Variants in VPS53 observed in about 807,000 individuals in gnomAD.
The protein encoded by VPS53 is VPS53 subunit of GARP complex.
A neutral mutation model predicts 107.0 loss-of-function variants in VPS53; 70 were observed. The observed-to-expected ratio is 0.65, with a 90% CI of 0.54 to 0.80. VPS53 has a LOEUF of 0.80. Ranked by LOEUF, VPS53 falls within the 30% of genes least tolerant of loss-of-function variation. VPS53 has a pLI of 0.00. For synonymous variants in VPS53, 409 were observed against 393.3 expected, an observed-to-expected ratio of 1.04 and a Z score of -0.47; for missense variants, 917 against 1,049.4, an observed-to-expected ratio of 0.87 and a Z score of 1.74.
intron 7 of VPS53, among the ~76,000 whole-genome samples, chr17:650,496 C>CAA (rs71145759): frequency 6.6e-6 from 1 of 151,508 alleles, no homozygotes; most frequent in Non-Finnish European, 1.5e-5. Flanking sequence ...GACTCCGTCT[C>CAA]AAAAAAACAA....
chr17:589,050 A>T (rs1967492222), intron 12 of VPS53, among the ~76,000 whole-genome samples: 1 of 151,984 alleles, frequency 6.6e-6, no homozygotes, highest in Admixed American at 6.5e-5. Context: ...CTTTTTATTA[A>T]TTAAATAATA....
chr17:651,179 G>C (rs1201034248), intron 7 of VPS53, among the ~76,000 whole-genome samples: 1 of 152,106 alleles, frequency 6.6e-6, no homozygotes, highest in Non-Finnish European at 1.5e-5. Flanking sequence ...TTAAACTACA[G>C]ATTTACGTAA....
At chr17:538,607 C>T (rs557525274) in intron 17 of VPS53, 2 of 152,144 alleles carry the variant, frequency 1.3e-5, no homozygotes, top group Admixed American at 6.5e-5. Context: ...TTCAAATCAG[C>T]GGATATTTGT....
At chr17:710,679 T>C (rs181173165) in intron 1 of VPS53, 66 bp from the exon 2 acceptor site, 1 of 1,319,070 alleles carries the variant, frequency 7.6e-7, no homozygotes, top group East Asian at 2.5e-5. Flanking sequence ...TAATTTTAAT[T>C]TGTCAATTAA....
Position 524,729 on chromosome 17 carries a change from T to G in VPS53, c.2086-2991A>C, listed in dbSNP as rs1380480600. Among the ~76,000 whole-genome samples, 1 of 152,182 alleles carries G rather than the reference T, an allele frequency of 6.6e-6. No homozygotes were observed. The highest frequency in any genetic ancestry group is 2.4e-5 in the African/African-American group (1 of 41,450). ...GTAAACAGATTATTTGATAATCAAG[T>G]GTGGGCACGGCCATGGCACTGAAAT... On this transcript the variant is annotated intron_variant, in intron 19 of 21. Coordinates refer to ENST00000437048, the MANE Select transcript of VPS53 (RefSeq NM_001128159.3). This position sits in a 1 kb window ranked among gnomAD's most constrained non-coding sequence, Gnocchi z 4.5.
chr17:541,414 G>A (rs1356559836), intron 17 of VPS53, among the ~76,000 whole-genome samples: 1 of 150,108 alleles, frequency 6.7e-6, no homozygotes, highest in Non-Finnish European at 1.5e-5. Flanking sequence ...CGCACTGAAG[G>A]AATGTTTATC....
chr17:654,325 T>C (rs1971086461), intron 6 of VPS53, among the ~76,000 whole-genome samples: 1 of 152,208 alleles, frequency 6.6e-6, no homozygotes, highest in South Asian at 2.1e-4. Flanking sequence ...AATAAAAGGA[T>C]GCTGATAAAA....
In VPS53 at chr17:512,342, A is replaced by C. The variant is rs1227911350; in HGVS notation, c.*6786T>G. 1 of 152,240 alleles carries C rather than the reference A, an allele frequency of 6.6e-6. No individual in the cohort carries two copies. 9.4% of individuals were successfully genotyped at this position (152,240 alleles called of 1,614,324 possible). ...TATAATCCCCTCTCACCAATATTGA[A>C]AATGGATGCTCAGGGGATCAGTGAC... On this transcript the variant is annotated 3_prime_UTR_variant, in exon 22 of 22. Coordinates refer to ENST00000437048, the MANE Select transcript of VPS53 (RefSeq NM_001128159.3).
chr17:531,257 C>G (rs960358840), intron 19 of VPS53, among the ~76,000 whole-genome samples: 2 of 151,870 alleles, frequency 1.3e-5, no homozygotes, highest in Non-Finnish European at 2.9e-5. Flanking sequence ...ACACCCTCCC[C>G]ATTCTGGGCC....
intron 4 of VPS53, among the ~76,000 whole-genome samples, chr17:689,407 C>T (rs544793122): frequency 6.6e-6 from 1 of 151,936 alleles, no homozygotes; most frequent in Non-Finnish European, 1.5e-5. Context: ...ACGCAATCCT[C>T]CTACCTCAAA....
chr17:607,592 G>C (rs576021024), intron 11 of VPS53, among the ~76,000 whole-genome samples: 84 of 152,202 alleles, frequency 5.5e-4, no homozygotes, highest in Non-Finnish European at 1.1e-3. Flanking sequence ...ACAGGCCACA[G>C]AGAATTACAA....
At position 678,255 on chromosome 17, in the gene VPS53, A is replaced by G. The variant is rs1042858950; in HGVS notation, c.286-16360T>C. Among the ~76,000 whole-genome samples the G allele has an allele frequency of 2.0e-5, 3 of 151,450 alleles. No individual in the cohort carries two copies. The East Asian group carries it at 5.9e-4, about 30-fold the overall frequency. ...GCCAACATAGCAAAACCCTATCTCTACTAAAAATACAAAAAAATTAGCTGG... is the reference window on the plus strand; with the variant it reads ...GCCAACATAGCAAAACCCTATCTCTGCTAAAAATACAAAAAAATTAGCTGG... On this transcript the variant is annotated intron_variant, in intron 4 of 21. Transcript: ENST00000437048.
intron 2 of VPS53, among the ~76,000 whole-genome samples, chr17:704,078 T>C (rs910698102): frequency 1.3e-5 from 2 of 152,204 alleles, no homozygotes; most frequent in Non-Finnish European, 2.9e-5. Flanking sequence ...TTTCTCAAAG[T>C]TCCTAATTAT....
chr17:706,874 T>C (rs1567754692), intron 2 of VPS53, among the ~76,000 whole-genome samples: 1 of 152,176 alleles, frequency 6.6e-6, no homozygotes, highest in Admixed American at 6.5e-5. Context: ...CTCTTTCCAG[T>C]GATCTACTGC....
At chr17:652,813 G>C (rs994652156) in intron 7 of VPS53, among the ~76,000 whole-genome samples, 2 of 152,218 alleles carry the variant, frequency 1.3e-5, no homozygotes, top group African/African-American at 2.4e-5. Flanking sequence ...GGGGACAACT[G>C]AGAGTTGTCC....
intron 11 of VPS53, among the ~76,000 whole-genome samples, chr17:609,881 G>A (rs1968766417): frequency 1.3e-5 from 2 of 152,114 alleles, no homozygotes; most frequent in African/African-American, 4.8e-5. Context: ...TGTAATCCCA[G>A]CACTTTGGGA....
rs1368970382 is a variant in VPS53 at position 519,761 on chromosome 17, C to G, written c.2328+65G>C. The G allele has an allele frequency of 6.6e-6, 8 of 1,219,744 alleles. No homozygotes were observed. Among genetic ancestry groups the G allele is most frequent in the Middle Eastern group, 3.7e-4 (2 of 5,372 alleles). The allele number at this position is 1,219,744 out of a possible 1,614,324, so 75.6% of individuals were successfully genotyped here. A position where few individuals can be genotyped will look rare whatever the true frequency, so the allele number is the denominator to read the frequency against. On this transcript the variant is annotated intron_variant, in intron 21 of 21. Transcript: ENST00000437048. This position sits in a 1 kb window ranked among gnomAD's most constrained non-coding sequence, Gnocchi z 5.0. ...CCCCCCCGGAACTTATATCCCAATTCCCGGTTAAGAACCGCTGAGTGTGAG... is the reference window on the plus strand; with the variant it reads ...CCCCCCCGGAACTTATATCCCAATTGCCGGTTAAGAACCGCTGAGTGTGAG...
chr17:629,164 G>A (rs1478791925), intron 8 of VPS53, among the ~76,000 whole-genome samples: 4 of 152,100 alleles, frequency 2.6e-5, no homozygotes, highest in African/African-American at 9.7e-5. Context: ...GAAGTTCCAC[G>A]CTTCTAAAGT....
At chr17:618,851 C>G (rs994432515) in intron 11 of VPS53, among the ~76,000 whole-genome samples, 9 of 151,420 alleles carry the variant, frequency 5.9e-5, no homozygotes, top group African/African-American at 2.2e-4. Context: ...ACCACCACAC[C>G]TGCTAATATT....
Sources: gnomAD v4.1 joint callset for allele counts (sites outside exome capture counted in the v4.1 genomes callset) on GRCh38, gnomAD v4.1.1 for gene constraint, Gnocchi (gnomAD v3.1) non-coding constraint, MANE v1.5 for transcripts, NCBI Gene and HGNC (gene_info 2026-07-23, HGNC 2026-07-21) for gene names.